The following GARIN5A variants were observed in gnomAD, a reference collection of about 807,000 sequenced individuals.
The protein encoded by GARIN5A is golgi associated RAB2 interactor 5A, also known as Golgi-associated RAB2 interactor protein 5A.
chr19:50,470,600 C>T, the GARIN5A span, among the ~76,000 whole-genome samples: 3 of 149,076 alleles, frequency 2.0e-5, no homozygotes, highest in Non-Finnish European at 3.0e-5. Context: ...ATATGGGTGT[C>T]GTGCTGACGA....
chr19:50,476,341 C>A, the GARIN5A span: 1 of 1,582,096 alleles, frequency 6.3e-7, no homozygotes, highest in Admixed American at 1.8e-5. Context: ...GTGATGACGT[C>A]CCTGGAGGGG....
the GARIN5A span, among the ~76,000 whole-genome samples, chr19:50,474,611 C>G: frequency 6.6e-6 from 1 of 152,084 alleles, no homozygotes; most frequent in Non-Finnish European, 1.5e-5. Context: ...TCCCAAAGTG[C>G]TGGGATTACA....
chr19:50,476,494 T>C, the GARIN5A span: 1 of 1,572,778 alleles, frequency 6.4e-7, no homozygotes, highest in Non-Finnish European at 8.6e-7. Flanking sequence ...CCCGGCGTGC[T>C]CCGCGGCTCT....
At chr19:50,468,720 C>T in the GARIN5A span, among the ~76,000 whole-genome samples, 19 of 152,110 alleles carry the variant, frequency 1.2e-4, no homozygotes, top group African/African-American at 4.1e-4. Context: ...CCTCTTGCCT[C>T]GGCCTCCAGA....
chr19:50,470,608 C>T, the GARIN5A span, among the ~76,000 whole-genome samples: 1 of 148,782 alleles, frequency 6.7e-6, no homozygotes, highest in Non-Finnish European at 1.5e-5. Flanking sequence ...GTCGTGCTGA[C>T]GAGGGGGTGG....
the GARIN5A span, chr19:50,475,602 G>A: frequency 9.9e-6 from 8 of 806,230 alleles, no homozygotes; most frequent in African/African-American, 1.4e-4. Context: ...TGAAATTAAA[G>A]TTCAAGAATC....
the GARIN5A span, chr19:50,475,419 T>G: frequency 6.2e-7 from 1 of 1,609,914 alleles, no homozygotes; most frequent in Non-Finnish European, 8.5e-7. Context: ...GCCACCCCCA[T>G]GGTGACCTCG....
chr19:50,474,303 C>T, the GARIN5A span, among the ~76,000 whole-genome samples: 1 of 151,436 alleles, frequency 6.6e-6, no homozygotes, highest in Admixed American at 6.6e-5. Flanking sequence ...CCTCAGCCTC[C>T]CGAGTAGCTG....
chr19:50,476,144 G>A, the GARIN5A span: 5 of 1,613,452 alleles, frequency 3.1e-6, no homozygotes, highest in East Asian at 1.1e-4. Flanking sequence ...CATCCCACCT[G>A]GTTCCACCTC....
At chr19:50,476,289 G>C in the GARIN5A span, 19 of 1,604,046 alleles carry the variant, frequency 1.2e-5, no homozygotes, top group Admixed American at 1.7e-5. Flanking sequence ...TCATGATGCG[G>C]AGCGGGCTTT....
At chr19:50,476,710 T>C in the GARIN5A span, 1 of 1,190,214 alleles carries the variant, frequency 8.4e-7, no homozygotes, top group Non-Finnish European at 1.1e-6. Context: ...ATGTCGCAGG[T>C]CTTGGGTCTT....
chr19:50,467,362 A>T, the GARIN5A span, among the ~76,000 whole-genome samples: 3 of 151,786 alleles, frequency 2.0e-5, no homozygotes, highest in African/African-American at 7.2e-5. Context: ...TCCCTGGGTC[A>T]CCTCTACTTC....
chr19:50,468,781 TA>T, the GARIN5A span, among the ~76,000 whole-genome samples: 1 of 152,058 alleles, frequency 6.6e-6, no homozygotes, highest in Non-Finnish European at 1.5e-5. Context: ...TTTCTATTTT[TA>T]TATAGTAGAG....
the GARIN5A span, chr19:50,475,838 C>A: frequency 6.2e-7 from 1 of 1,612,190 alleles, no homozygotes; most frequent in Non-Finnish European, 8.5e-7. Context: ...CCTACCTGTA[C>A]GAAGTTGCTC....
the GARIN5A span, among the ~76,000 whole-genome samples, chr19:50,471,815 CCTGTGTGTATACGCATACATAT>C: frequency 2.0e-5 from 3 of 146,750 alleles, no homozygotes; most frequent in Admixed American, 6.7e-5. Flanking sequence ...CGCATACATA[CCTGTGTGTATACGCATACATAT>C]CTGTGTGCAT....
the GARIN5A span, chr19:50,476,073 T>G: frequency 1.9e-6 from 3 of 1,609,350 alleles, no homozygotes; most frequent in Non-Finnish European, 1.7e-6. Context: ...GCCGGCCCCA[T>G]CCTACTTGGT....
the GARIN5A span, among the ~76,000 whole-genome samples, chr19:50,471,614 G>GTA: frequency 1.3e-5 from 2 of 151,934 alleles, no homozygotes; most frequent in East Asian, 1.9e-4. Flanking sequence ...ATATATGTGT[G>GTA]TATATATATG....
the GARIN5A span, chr19:50,467,414 C>T: frequency 1.7e-6 from 1 of 600,958 alleles, no homozygotes. Flanking sequence ...TCCCTCAGAC[C>T]CAGGAGTCCA....
chr19:50,469,213 C>T, the GARIN5A span, among the ~76,000 whole-genome samples: 1 of 152,346 alleles, frequency 6.6e-6, no homozygotes, highest in African/African-American at 2.4e-5. Context: ...ACACACCAGG[C>T]TCAGTCCGAC....
Sources: allele counts gnomAD v4.1 joint callset (sites outside exome capture counted in the v4.1 genomes callset), GRCh38; gene constraint gnomAD v4.1.1; transcripts MANE v1.5; gene names NCBI Gene and HGNC (gene_info 2026-07-23, HGNC 2026-07-21).